The following SCN9A variants were observed in gnomAD, a reference collection of about 807,000 sequenced individuals.
SCN9A encodes sodium voltage-gated channel alpha subunit 9, also known as sodium channel protein type 9 subunit alpha.
In SCN9A, 131 loss-of-function variants were observed where a neutral mutation model predicts 187.0. The observed-to-expected ratio is 0.70, with a 90% confidence interval of 0.61 to 0.81. The LOEUF is 0.81. Ranked by LOEUF, SCN9A falls within the 30% of genes least tolerant of loss-of-function variation. The pLI is 0.00. For missense variants in SCN9A, 2,252 were observed against 2,396.6 expected (o/e 0.94, Z 1.26); for synonymous variants, 809 against 808.6 (o/e 1.00, Z -0.01).
intron 1 of SCN9A, among the ~76,000 whole-genome samples, chr2:166,372,336 G>A (rs536129992): frequency 3.3e-5 from 5 of 152,212 alleles, no homozygotes; most frequent in East Asian, 3.9e-4. Context: ...TATGGCCTCC[G>A]CCTCATCTGA....
At chr2:166,313,843 G>A (rs1355641539) in intron 1 of SCN9A, among the ~76,000 whole-genome samples, 1 of 152,122 alleles carries the variant, frequency 6.6e-6, no homozygotes, top group African/African-American at 2.4e-5. Context: ...ATCATTTCTA[G>A]CTTCTGATTT....
At chr2:166,305,992 T>C in intron 4 of SCN9A, 72 bp from the exon 5 acceptor site, 7 of 1,565,850 alleles carry the variant, frequency 4.5e-6, no homozygotes, top group Non-Finnish European at 6.1e-6. Context: ...TTATAACTTA[T>C]TTTCTCTAAT....
intron 1 of SCN9A, among the ~76,000 whole-genome samples, chr2:166,364,213 C>A (rs763230781): frequency 6.7e-6 from 1 of 148,668 alleles, no homozygotes; most frequent in Non-Finnish European, 1.5e-5. Context: ...AAATTGTAAC[C>A]CTTGTGCATT....
intron 1 of SCN9A, among the ~76,000 whole-genome samples, chr2:166,367,213 T>C (rs1700438164): frequency 6.6e-6 from 1 of 152,194 alleles, no homozygotes; most frequent in Non-Finnish European, 1.5e-5. Context: ...CGTGTGTAAC[T>C]TCATTCCCTG....
intron 22 of SCN9A, 151 bp downstream of exon 22, chr2:166,228,540 A>T: frequency 1.3e-6 from 1 of 746,540 alleles, no homozygotes; most frequent in Non-Finnish European, 2.1e-6. Context: ...TACAGGCATG[A>T]GCCACTGCGC....
intron 1 of SCN9A, among the ~76,000 whole-genome samples, chr2:166,347,605 C>T (rs1234032502): frequency 6.6e-6 from 1 of 152,166 alleles, no homozygotes; most frequent in Non-Finnish European, 1.5e-5. Context: ...CAACTAAATG[C>T]TTTGTAATTA....
chr2:166,291,998 G>A (rs968658997), intron 9 of SCN9A, among the ~76,000 whole-genome samples: 2 of 152,094 alleles, frequency 1.3e-5, no homozygotes, highest in African/African-American at 4.8e-5. Flanking sequence ...CACCATTCAG[G>A]AAATAGGCAT....
chr2:166,246,303 A>G (rs1357638977), intron 18 of SCN9A, among the ~76,000 whole-genome samples: 1 of 151,946 alleles, frequency 6.6e-6, no homozygotes, highest in Non-Finnish European at 1.5e-5. Flanking sequence ...TATACTTTAC[A>G]TAAACATTGG....
intron 17 of SCN9A, among the ~76,000 whole-genome samples, chr2:166,254,792 T>A (rs1386557998): frequency 6.6e-6 from 1 of 151,332 alleles, no homozygotes; most frequent in Non-Finnish European, 1.5e-5. Flanking sequence ...TGGATTTGAT[T>A]TCTAATAAAA....
At chr2:166,283,246 C>T (rs1360724873) in intron 12 of SCN9A, among the ~76,000 whole-genome samples, 1 of 152,132 alleles carries the variant, frequency 6.6e-6, no homozygotes, top group African/African-American at 2.4e-5. Context: ...TTAACATGCT[C>T]ATTCAATAAT....
At position 166,228,705 on chromosome 2, in the gene SCN9A, A is replaced by T. The variant is rs1694952527; in HGVS notation, c.4192T>A (p.Ser1398Thr). Residue 1398 changes from serine (S) to threonine (T), a missense_variant, in exon 22 of 27, where the codon TCT becomes ACT. Transcript: ENST00000642356. ...NFDNVGLGYL[S>T]LLQVATFKGW... is the part of the protein sequence containing the mutation. ...GGGACACTTACAACTTGAAGCAGAG[A>T]TAGGTAACCAAGTCCGACATTATCA... The T allele has an allele frequency of 6.2e-7, 1 of 1,611,710 alleles. No homozygotes were observed. Among genetic ancestry groups the T allele is most frequent in the Non-Finnish European group, 8.5e-7 (1 of 1,178,354 alleles).
chr2:166,204,562 A>C, intron 24 of SCN9A, 98 bp from the exon 25 acceptor site: 1 of 648,956 alleles, frequency 1.5e-6, no homozygotes, highest in Non-Finnish European at 2.5e-6. Flanking sequence ...GTTAATATAG[A>C]AATAAAATGT....
At chr2:166,238,569 C>T (rs1320233609) in intron 19 of SCN9A, among the ~76,000 whole-genome samples, 1 of 152,200 alleles carries the variant, frequency 6.6e-6, no homozygotes, top group Admixed American at 6.5e-5. Flanking sequence ...GATTCCTCCT[C>T]TTTCTCCATT....
chr2:166,313,762 T>C (rs141954437), intron 1 of SCN9A, among the ~76,000 whole-genome samples: 134 of 152,330 alleles, frequency 8.8e-4, no homozygotes, highest in African/African-American at 3.0e-3. Context: ...ACAACTTGGC[T>C]AAGTACTTAG....
intron 1 of SCN9A, among the ~76,000 whole-genome samples, chr2:166,361,738 C>T (rs945778609): frequency 6.6e-6 from 1 of 151,986 alleles, no homozygotes; most frequent in African/African-American, 2.4e-5. Context: ...TAGGACTGAG[C>T]AGAATTATGC....
chr2:166,274,859 CA>C (rs902060142), intron 16 of SCN9A, among the ~76,000 whole-genome samples: 1 of 152,178 alleles, frequency 6.6e-6, no homozygotes, highest in African/African-American at 2.4e-5. Context: ...AGGCCCACTT[CA>C]AAAACCTCCC....
intron 17 of SCN9A, among the ~76,000 whole-genome samples, chr2:166,272,166 A>G (rs2106459664): frequency 6.6e-6 from 1 of 152,200 alleles, no homozygotes; most frequent in South Asian, 2.1e-4. Flanking sequence ...GAAGGCTCAA[A>G]GATACCTTTG....
intron 9 of SCN9A, among the ~76,000 whole-genome samples, 157 bp from the exon 10 acceptor site, chr2:166,288,800 AAC>A (rs760928906): frequency 1.3e-5 from 2 of 152,218 alleles, no homozygotes; most frequent in Non-Finnish European, 2.9e-5. Flanking sequence ...ACAAATATTA[AAC>A]ACATTTTCAG....
chr2:166,339,187 C>T (rs1699704272), intron 1 of SCN9A, among the ~76,000 whole-genome samples: 1 of 152,100 alleles, frequency 6.6e-6, no homozygotes, highest in African/African-American at 2.4e-5. Context: ...CCATCAGGAA[C>T]ACCTAGAAGC....
Sources: gnomAD v4.1 joint callset for allele counts (sites outside exome capture counted in the v4.1 genomes callset) on GRCh38, gnomAD v4.1.1 for gene constraint, MANE v1.5 for transcripts, NCBI Gene and HGNC (gene_info 2026-07-23, HGNC 2026-07-21) for gene names.